The following HPSE2 variants were observed in gnomAD, a reference collection of about 807,000 sequenced individuals.
HPSE2 encodes the protein inactive heparanase-2.
In HPSE2, 38 loss-of-function variants were observed where a neutral mutation model predicts 60.5. That is an observed-to-expected ratio of 0.63 (90% CI 0.48 to 0.82). The LOEUF (loss-of-function observed/expected upper bound fraction) is 0.82. Ranked by LOEUF, HPSE2 falls within the 40% of genes least tolerant of loss-of-function variation. The probability of loss-of-function intolerance (pLI) is 0.00; values close to 1 mark genes in which losing one functional copy is unlikely to be tolerated. For synonymous variants in HPSE2, 295 were observed against 293.2 expected (o/e 1.01, Z -0.06); for missense variants, 713 against 740.4 (o/e 0.96, Z 0.43).
chr10:98,482,492 G>A, intron 11 of HPSE2, 144 bp downstream of exon 11: 2 of 945,722 alleles, frequency 2.1e-6, no homozygotes. Flanking sequence ...GGAGTCAGCA[G>A]TCACCTGACC....
At chr10:99,104,257 G>T (rs759268825) in intron 3 of HPSE2, among the ~76,000 whole-genome samples, 3 of 152,110 alleles carry the variant, frequency 2.0e-5, no homozygotes, top group Non-Finnish European at 4.4e-5. Context: ...CTAATATCCA[G>T]GTTCTACAAA....
At chr10:98,772,639 A>C (rs1042366780) in intron 3 of HPSE2, among the ~76,000 whole-genome samples, 8 of 152,170 alleles carry the variant, frequency 5.3e-5, no homozygotes, top group African/African-American at 9.6e-5. Context: ...TTCCAGAGGA[A>C]TTTATGGAGG....
intron 5 of HPSE2, among the ~76,000 whole-genome samples, chr10:98,718,698 T>C (rs1413462772): frequency 1.3e-5 from 2 of 151,890 alleles, no homozygotes; most frequent in Non-Finnish European, 2.9e-5. Flanking sequence ...AAAAGACAAA[T>C]ATTGTATGTT....
intron 9 of HPSE2, among the ~76,000 whole-genome samples, chr10:98,572,959 T>C (rs1471361517): frequency 6.6e-6 from 1 of 152,218 alleles, no homozygotes; most frequent in Non-Finnish European, 1.5e-5. Context: ...TAATCGACTA[T>C]GGTTCCTGAC....
At chr10:98,801,471 T>C (rs1950905577) in intron 3 of HPSE2, among the ~76,000 whole-genome samples, 1 of 151,746 alleles carries the variant, frequency 6.6e-6, no homozygotes, top group Non-Finnish European at 1.5e-5. Flanking sequence ...AAAGACCCCA[T>C]CAAAAAACTA....
At chr10:98,793,793 G>A (rs892761857) in intron 3 of HPSE2, among the ~76,000 whole-genome samples, 10 of 152,214 alleles carry the variant, frequency 6.6e-5, no homozygotes, top group African/African-American at 1.9e-4. Flanking sequence ...AGGTCTGGGA[G>A]GAGAATGCTG....
At chr10:99,268,502 C>T in the HPSE2 span, among the ~76,000 whole-genome samples, 366 of 151,332 alleles carry the variant, frequency 2.4e-3, no homozygotes, top group Non-Finnish European at 3.7e-3. Context: ...AAAAATTAGC[C>T]GGGTGTGGTG....
chr10:99,188,151 CATA>C (rs777610620), intron 2 of HPSE2, among the ~76,000 whole-genome samples: 35 of 152,260 alleles, frequency 2.3e-4, no homozygotes, highest in Admixed American at 1.4e-3. Flanking sequence ...ATACATTCAA[CATA>C]ATAATACTTA....
chr10:98,710,337 T>C (rs1258271065), intron 5 of HPSE2, among the ~76,000 whole-genome samples: 2 of 152,154 alleles, frequency 1.3e-5, no homozygotes. Context: ...TTATGTATAT[T>C]AATAATATCA....
At chr10:99,033,782 C>CAA (rs1030821539) in intron 3 of HPSE2, among the ~76,000 whole-genome samples, 3 of 135,714 alleles carry the variant, frequency 2.2e-5, no homozygotes, top group Admixed American at 7.4e-5. Flanking sequence ...GACTCCGTCT[C>CAA]AAAAAAAAAA....
chr10:99,157,749 A>T, intron 2 of HPSE2, among the ~76,000 whole-genome samples: 1 of 141,400 alleles, frequency 7.1e-6, no homozygotes, highest in Non-Finnish European at 1.6e-5. Context: ...AAAATTGACA[A>T]ATGGGATCTA....
At chr10:98,990,806 C>G (rs1432757773) in intron 3 of HPSE2, among the ~76,000 whole-genome samples, 1 of 152,154 alleles carries the variant, frequency 6.6e-6, no homozygotes, top group Non-Finnish European at 1.5e-5. Flanking sequence ...TAGAGTCTAT[C>G]CTATTTAATA....
At chr10:98,495,893 A>T (rs1364510906) in intron 9 of HPSE2, among the ~76,000 whole-genome samples, 1 of 151,646 alleles carries the variant, frequency 6.6e-6, no homozygotes, top group African/African-American at 2.4e-5. Context: ...GGATTTATTT[A>T]TTTTTTTCTT....
chr10:98,799,572 AATAAT>A (rs1950859380), intron 3 of HPSE2, among the ~76,000 whole-genome samples: 5 of 152,206 alleles, frequency 3.3e-5, no homozygotes, highest in Admixed American at 3.3e-4. Context: ...AAAAAACTGA[AATAAT>A]ATACAGCATT....
intron 3 of HPSE2, among the ~76,000 whole-genome samples, chr10:98,883,925 T>A (rs1270358262): frequency 3.3e-5 from 5 of 152,184 alleles, no homozygotes; most frequent in Non-Finnish European, 1.5e-5. Context: ...GAGAAAGGCA[T>A]GTCTAAAGCT....
upstream of HPSE2, among the ~76,000 whole-genome samples, chr10:99,238,442 G>A (rs187204909): frequency 2.2e-3 from 330 of 152,198 alleles, 1 homozygote; most frequent in Non-Finnish European, 3.8e-3. Flanking sequence ...ATCTGTATGT[G>A]GTATTAAAAT....
Position 99,180,683 on chromosome 10 carries a change from G to C in HPSE2, c.449-36284C>G, listed in dbSNP as rs537134551. ...GTGGATTGCCTGAGCTCAGGAGTTC[G>C]AGACCAGCCTGGGCAACATGGTGAA... is the stretch of plus-strand genomic sequence containing the variant. On this transcript the variant is annotated intron_variant, in intron 2 of 11. Coordinates refer to ENST00000370552, the MANE Select transcript of HPSE2 (RefSeq NM_021828.5). 7.0e-4 allele frequency among the ~76,000 whole-genome samples: 107 copies of C among 151,898 alleles called. 1 individual carries two copies. The highest frequency in any genetic ancestry group is 1.3e-3 in the Non-Finnish European group (88 of 67,926).
intron 6 of HPSE2, among the ~76,000 whole-genome samples, chr10:98,681,896 T>C (rs1224025419): frequency 1.3e-5 from 2 of 152,226 alleles, no homozygotes; most frequent in African/African-American, 4.8e-5. Flanking sequence ...TAAATAAATA[T>C]TTTAAAATGT....
intron 9 of HPSE2, among the ~76,000 whole-genome samples, chr10:98,600,926 T>TATATATATATATATA (rs1554950578): frequency 0.068 from 7,341 of 107,654 alleles, 387 homozygotes; most frequent in Middle Eastern, 0.091. Flanking sequence ...TATATATATA[T>TATATATATATATATA]ATATATATAT....
Sources: gnomAD v4.1 joint callset for allele counts (sites outside exome capture counted in the v4.1 genomes callset) on GRCh38, gnomAD v4.1.1 for gene constraint, MANE v1.5 for transcripts, NCBI Gene and HGNC (gene_info 2026-07-23, HGNC 2026-07-21) for gene names.